The following CBR4 variants were observed in gnomAD, a reference collection of about 807,000 sequenced individuals.
CBR4 encodes the protein carbonyl reductase 4.
In CBR4, 22 loss-of-function variants were observed where a neutral mutation model predicts 21.0. The observed-to-expected ratio is 1.05, with a 90% CI of 0.75 to 1.50. The LOEUF (loss-of-function observed/expected upper bound fraction) is 1.50, where lower values mean the gene tolerates loss of function less well. Among genes scored for constraint, CBR4 ranks in the 40% most tolerant of loss-of-function variants. The pLI, the probability that CBR4 is intolerant of heterozygous loss-of-function variation, is 0.00. For synonymous variants in CBR4, 100 were observed against 104.4 expected (o/e 0.96, Z 0.26); for missense variants, 302 against 286.3 (o/e 1.05, Z -0.40).
chr4:168,937,116 G>A (rs1445978525), intron 2 of CBR4, among the ~76,000 whole-genome samples: 1 of 152,122 alleles, frequency 6.6e-6, no homozygotes, highest in Non-Finnish European at 1.5e-5. Flanking sequence ...AGATCTCTCT[G>A]CAGAAACCCT....
chr4:168,950,985 G>A (rs1339356705), intron 2 of CBR4, among the ~76,000 whole-genome samples: 2 of 152,162 alleles, frequency 1.3e-5, no homozygotes, highest in African/African-American at 2.4e-5. Flanking sequence ...GAGTCCTTAT[G>A]TGTTAAGTGA....
chr4:169,002,210 GACAAAAAAA>G lies in CBR4; in HGVS notation c.401-14_401-6del. 2.2e-5 allele frequency: 13 copies of G among 586,588 alleles called. No homozygotes were observed. The Admixed American group carries it at 4.2e-4, about 19-fold the overall frequency. The allele number at this position is 586,588 out of a possible 1,614,324, so 36.3% of individuals were successfully genotyped here. A position where few individuals can be genotyped will look rare whatever the true frequency, so the allele number is the denominator to read the frequency against. On this transcript the variant is annotated splice_region_variant and splice_polypyrimidine_tract_variant and intron_variant, in intron 3 of 4. Coordinates refer to ENST00000306193, the MANE Select transcript of CBR4 (RefSeq NM_032783.5). ...CTTTTAAGCCAACAATGCTTCCTAGGACAAAAAAAAAAAAAAAAAAAAAAAAAGCGTATT... is the reference window on the plus strand; with the variant it reads ...CTTTTAAGCCAACAATGCTTCCTAGGAAAAAAAAAAAAAAAAAAGCGTATT...
chr4:168,976,444 G>A (rs1764374000), intron 2 of CBR4, among the ~76,000 whole-genome samples: 1 of 152,204 alleles, frequency 6.6e-6, no homozygotes, highest in Non-Finnish European at 1.5e-5. Flanking sequence ...CGTGCAGGTG[G>A]GCTGAGTCTG....
intron 2 of CBR4, among the ~76,000 whole-genome samples, chr4:168,918,416 A>C (rs1760715226): frequency 6.6e-6 from 1 of 152,036 alleles, no homozygotes. Context: ...ACATAATGTT[A>C]AGTGAAATAG....
chr4:168,994,208 C>T (rs375825476), intron 4 of CBR4, among the ~76,000 whole-genome samples: 49 of 152,236 alleles, frequency 3.2e-4, no homozygotes, highest in African/African-American at 1.1e-3. Context: ...AGGGATGGGC[C>T]GAAATAAAGG....
chr4:168,910,650 C>T (rs1758739357), intron 2 of CBR4, among the ~76,000 whole-genome samples: 1 of 152,136 alleles, frequency 6.6e-6, no homozygotes, highest in Admixed American at 6.5e-5. Context: ...CTTTAATCTT[C>T]ATAAGAACCC....
chr4:168,946,337 G>C (rs1296376421), intron 2 of CBR4, among the ~76,000 whole-genome samples: 2 of 152,188 alleles, frequency 1.3e-5, no homozygotes, highest in East Asian at 3.9e-4. Flanking sequence ...GGTTCTCAAA[G>C]TATGGTCCAG....
intron 2 of CBR4, chr4:168,925,296 T>G: frequency 6.3e-7 from 1 of 1,582,480 alleles, no homozygotes; most frequent in East Asian, 2.2e-5. Context: ...TCAGGAACTT[T>G]GAATTATTAG....
At chr4:168,913,107 T>G (rs1400533691) in intron 2 of CBR4, among the ~76,000 whole-genome samples, 1 of 151,254 alleles carries the variant, frequency 6.6e-6, no homozygotes, top group Non-Finnish European at 1.5e-5. Flanking sequence ...CTCATTTTAA[T>G]GTATGGTTTG....
At chr4:168,917,952 G>A (rs530082813) in intron 2 of CBR4, among the ~76,000 whole-genome samples, 1 of 152,256 alleles carries the variant, frequency 6.6e-6, no homozygotes, top group African/African-American at 2.4e-5. Context: ...TGTAATCCCA[G>A]CACTTTGGGA....
intron 2 of CBR4, among the ~76,000 whole-genome samples, chr4:168,904,752 C>A (rs975227648): frequency 6.6e-6 from 1 of 152,120 alleles, no homozygotes; most frequent in Non-Finnish European, 1.5e-5. Flanking sequence ...CTACTTATAT[C>A]ATTCCATATT....
intron 2 of CBR4, among the ~76,000 whole-genome samples, chr4:168,920,579 G>A (rs1406696120): frequency 1.3e-5 from 2 of 152,134 alleles, no homozygotes; most frequent in African/African-American, 4.8e-5. Context: ...TAAAAAGCTG[G>A]CAGATGGCGA....
At chr4:168,954,923 G>T (rs986362884) in intron 2 of CBR4, among the ~76,000 whole-genome samples, 1 of 152,174 alleles carries the variant, frequency 6.6e-6, no homozygotes, top group Non-Finnish European at 1.5e-5. Context: ...GTTTCTGAAT[G>T]ATATGAACAG....
At chr4:168,984,552 A>G (rs1046591743), downstream of CBR4, among the ~76,000 whole-genome samples, 1 of 152,210 alleles carries the variant, frequency 6.6e-6, no homozygotes, top group African/African-American at 2.4e-5. Flanking sequence ...ATTACAAAAA[A>G]CCATTCTAAA....
chr4:168,897,821 GT>G (rs201970702), intron 2 of CBR4, among the ~76,000 whole-genome samples: 2,652 of 142,812 alleles, frequency 0.019, 57 homozygotes, highest in African/African-American at 0.046. Flanking sequence ...TTGATGGGTT[GT>G]TTTTTTTTTT....
intron 2 of CBR4, among the ~76,000 whole-genome samples, chr4:168,906,423 A>G (rs997386720): frequency 1.1e-4 from 16 of 152,224 alleles, no homozygotes; most frequent in Admixed American, 7.8e-4. Context: ...GGCAGTGTGC[A>G]GAGTTTAAGA....
intron 3 of CBR4, among the ~76,000 whole-genome samples, chr4:169,004,002 G>A (rs1006850626): frequency 2.6e-4 from 39 of 151,970 alleles, no homozygotes; most frequent in Non-Finnish European, 2.8e-4. Context: ...GCTAGATGAC[G>A]AGTTAGTGGG....
chr4:168,896,599 G>A (rs1755229077), intron 2 of CBR4: 4 of 1,497,692 alleles, frequency 2.7e-6, no homozygotes, highest in African/African-American at 2.8e-5. Flanking sequence ...ATGGTCAAAA[G>A]GTTAAGCTTT....
At chr4:168,921,562 G>A in intron 2 of CBR4, 1 of 1,608,044 alleles carries the variant, frequency 6.2e-7, no homozygotes, top group Non-Finnish European at 8.5e-7. Context: ...CCAGATCTAA[G>A]CTGGCAACTA....
Sources: allele counts gnomAD v4.1 joint callset (sites outside exome capture counted in the v4.1 genomes callset), GRCh38; gene constraint gnomAD v4.1.1; transcripts MANE v1.5; gene names NCBI Gene and HGNC (gene_info 2026-07-23, HGNC 2026-07-21).